The following MRPL13 variants were observed in gnomAD, a reference collection of about 807,000 sequenced individuals.
The protein encoded by MRPL13 is mitochondrial ribosomal protein L13.
MRPL13 carries 33 observed loss-of-function variants against 29.0 expected under a neutral mutation model. That is an observed-to-expected ratio of 1.14 (90% CI 0.86 to 1.52). The LOEUF is 1.52. MRPL13 is among the 40% of genes most tolerant of loss of function. The probability of loss-of-function intolerance (pLI) is 0.00; values close to 1 mark genes in which losing one functional copy is unlikely to be tolerated. For synonymous variants in MRPL13, 77 were observed against 68.4 expected, an observed-to-expected ratio of 1.13 and a Z score of -0.62; for missense variants, 227 against 216.7, an observed-to-expected ratio of 1.05 and a Z score of -0.30.
At chr8:120,402,593 GATTTCATGACAAAA>G (rs1268854405) in intron 6 of MRPL13, among the ~76,000 whole-genome samples, 12 of 152,056 alleles carry the variant, frequency 7.9e-5, no homozygotes, top group African/African-American at 2.4e-4. Context: ...GGCATGGGCA[GATTTCATGACAAAA>G]ATTTCAAAAG....
chr8:120,423,383 A>G (rs1017866777), intron 4 of MRPL13, among the ~76,000 whole-genome samples: 71 of 152,220 alleles, frequency 4.7e-4, no homozygotes, highest in African/African-American at 1.6e-3. Context: ...AAGAGCTAAC[A>G]CATTTCCAGA....
At chr8:120,399,570 T>C (rs1353333581) in intron 6 of MRPL13, among the ~76,000 whole-genome samples, 1 of 152,152 alleles carries the variant, frequency 6.6e-6, no homozygotes, top group Non-Finnish European at 1.5e-5. Context: ...AGTGATGCTA[T>C]GAAGCAACCA....
intron 1 of MRPL13, among the ~76,000 whole-genome samples, chr8:120,444,158 AT>A (rs796320333): frequency 6.6e-6 from 1 of 151,740 alleles, no homozygotes; most frequent in Non-Finnish European, 1.5e-5. Context: ...GAAAAAAAAA[AT>A]TTTTAATGAA....
intron 2 of MRPL13, among the ~76,000 whole-genome samples, chr8:120,440,747 G>A (rs1813111846): frequency 1.3e-5 from 2 of 151,388 alleles, no homozygotes; most frequent in African/African-American, 4.8e-5. Context: ...ATAAAGGAAA[G>A]AAAGTCAGAA....
intron 6 of MRPL13, among the ~76,000 whole-genome samples, chr8:120,407,232 C>T (rs1034717310): frequency 3.3e-5 from 5 of 152,102 alleles, no homozygotes; most frequent in Non-Finnish European, 7.4e-5. Context: ...AGTAATTTCT[C>T]ACCTCTTAAC....
chr8:120,423,211 T>C (rs1216767430), intron 4 of MRPL13, among the ~76,000 whole-genome samples: 1 of 151,636 alleles, frequency 6.6e-6, no homozygotes, highest in Non-Finnish European at 1.5e-5. Context: ...GGAACACAGA[T>C]CTGAAGAAAT....
chr8:120,407,610 C>T (rs1038940833), intron 6 of MRPL13, among the ~76,000 whole-genome samples: 15 of 151,870 alleles, frequency 9.9e-5, no homozygotes, highest in Non-Finnish European at 1.9e-4. Context: ...CGCGCCATTT[C>T]ACCACCCCAG....
intron 3 of MRPL13, among the ~76,000 whole-genome samples, chr8:120,427,009 T>G (rs1812937926): frequency 6.6e-6 from 1 of 151,908 alleles, no homozygotes; most frequent in Non-Finnish European, 1.5e-5. Context: ...TAGAAGTAAA[T>G]GTTTATGAAA....
chr8:120,435,332 A>G (rs1813041675), intron 2 of MRPL13, among the ~76,000 whole-genome samples: 1 of 152,142 alleles, frequency 6.6e-6, no homozygotes, highest in Non-Finnish European at 1.5e-5. Flanking sequence ...TAAGCATAGT[A>G]CACAATAGGT....
chr8:120,409,468 T>C lies in MRPL13; in HGVS notation c.515+4523A>G, dbSNP rs1175467285. On this transcript the variant is annotated intron_variant, in intron 6 of 6. Coordinates refer to ENST00000306185, the MANE Select transcript of MRPL13 (RefSeq NM_014078.6). ...TGTTGGCAAAACTGCAATAATCATG[T>C]AACAATTGATAGTATTAAAATAAAT... is the stretch of plus-strand genomic sequence containing the variant. 3.9e-5 allele frequency among the ~76,000 whole-genome samples: 6 copies of C among 152,146 alleles called. No individual in the cohort carries two copies. The South Asian group carries it at 1.2e-3, about 32-fold the overall frequency.
intron 1 of MRPL13, chr8:120,444,867 A>G: frequency 2.7e-6 from 1 of 374,988 alleles, no homozygotes; most frequent in Middle Eastern, 5.5e-4. Flanking sequence ...GGGCAGATTG[A>G]AAAGAAGAGG....
At chr8:120,407,603 G>A (rs532662339) in intron 6 of MRPL13, among the ~76,000 whole-genome samples, 13 of 151,738 alleles carry the variant, frequency 8.6e-5, no homozygotes, top group African/African-American at 2.9e-4. Context: ...CCGAGATCGC[G>A]CCATTTCACC....
Sources: gnomAD v4.1 joint callset for allele counts (sites outside exome capture counted in the v4.1 genomes callset) on GRCh38, gnomAD v4.1.1 for gene constraint, MANE v1.5 for transcripts, NCBI Gene and HGNC (gene_info 2026-07-23, HGNC 2026-07-21) for gene names.